Variants in SRGAP2 observed in about 807,000 individuals in gnomAD.
SRGAP2 encodes the protein SLIT-ROBO Rho GTPase-activating protein 2.
In SRGAP2, 15 loss-of-function variants were observed where a neutral mutation model predicts 57.2. The observed-to-expected ratio is 0.26, with a 90% CI of 0.18 to 0.40. SRGAP2 has a LOEUF of 0.40. SRGAP2 is among the 10% of genes least tolerant of loss of function. The pLI, the probability that SRGAP2 is intolerant of heterozygous loss-of-function variation, is 1.00. For missense variants in SRGAP2, 520 were observed against 669.6 expected (o/e 0.78, Z 2.47); for synonymous variants, 249 against 248.0 (o/e 1.00, Z -0.04).
At chr1:206,212,069 C>T (rs1426494190) in intron 2 of SRGAP2, among the ~76,000 whole-genome samples, 1 of 152,174 alleles carries the variant, frequency 6.6e-6, no homozygotes, top group Non-Finnish European at 1.5e-5. Context: ...GTATGTACCC[C>T]ATTTTGTTTA....
At chr1:206,309,481 A>AAAGC (rs1672473669) in intron 3 of SRGAP2, among the ~76,000 whole-genome samples, 1 of 147,748 alleles carries the variant, frequency 6.8e-6, no homozygotes, top group Non-Finnish European at 1.5e-5. Flanking sequence ...AAAAAAAAAA[A>AAAGC]GTTGGGGGAG....
chr1:206,254,200 G>T, intron 2 of SRGAP2, among the ~76,000 whole-genome samples: 1 of 63,488 alleles, frequency 1.6e-5, no homozygotes. Context: ...TTTTTTTGGA[G>T]GGGGTTCAAA....
At chr1:206,383,659 G>A (rs1420511828) in intron 4 of SRGAP2, among the ~76,000 whole-genome samples, 1 of 149,176 alleles carries the variant, frequency 6.7e-6, no homozygotes, top group Non-Finnish European at 1.5e-5. Flanking sequence ...CTTCTGGAAT[G>A]CTTGACTGCA....
intron 13 of SRGAP2, among the ~76,000 whole-genome samples, chr1:206,422,510 AT>A (rs1660407186): frequency 6.6e-6 from 1 of 152,320 alleles, no homozygotes; most frequent in East Asian, 1.9e-4. Context: ...AATTTAGTGC[AT>A]TTAAAATTAA....
At chr1:206,276,615 G>C (rs1218455519) in intron 2 of SRGAP2, among the ~76,000 whole-genome samples, 1 of 151,794 alleles carries the variant, frequency 6.6e-6, no homozygotes, top group Non-Finnish European at 1.5e-5. Flanking sequence ...AGATTAACCC[G>C]TTCCTCTATA....
intron 2 of SRGAP2, among the ~76,000 whole-genome samples, chr1:206,283,518 A>G (rs1308847141): frequency 6.7e-6 from 1 of 150,292 alleles, no homozygotes; most frequent in African/African-American, 2.4e-5. Flanking sequence ...TACTAAAAAT[A>G]CAAAAATTAG....
At chr1:206,354,014 C>G (rs1553338814) in intron 4 of SRGAP2, among the ~76,000 whole-genome samples, 1 of 151,904 alleles carries the variant, frequency 6.6e-6, no homozygotes, top group African/African-American at 2.4e-5. Context: ...TAGGCTTGAA[C>G]TCTGGGGCTC....
At chr1:206,370,330 G>A (rs1654415269) in intron 4 of SRGAP2, among the ~76,000 whole-genome samples, 2 of 152,146 alleles carry the variant, frequency 1.3e-5, no homozygotes, top group Admixed American at 1.3e-4. Context: ...TGTTAATGAA[G>A]TGATTTATGG....
chr1:206,254,179 G>GTTTTTT (rs373417477), intron 2 of SRGAP2, among the ~76,000 whole-genome samples: 2 of 47,124 alleles, frequency 4.2e-5, no homozygotes, highest in Admixed American at 1.9e-4. Context: ...TGCTTTTTCT[G>GTTTTTT]TTTTTTTTTT....
chr1:206,451,809 C>T (rs929498646), intron 19 of SRGAP2, among the ~76,000 whole-genome samples: 1 of 152,108 alleles, frequency 6.6e-6, no homozygotes, highest in African/African-American at 2.4e-5. Flanking sequence ...GGTCGAGTAA[C>T]GTACCCGAGG....
At chr1:206,429,047 C>A (rs568454314) in intron 13 of SRGAP2, among the ~76,000 whole-genome samples, 53 of 152,300 alleles carry the variant, frequency 3.5e-4, no homozygotes, top group African/African-American at 1.3e-3. Context: ...TGGCCTCACA[C>A]CTCTTTAAAT....
At chr1:206,267,043 A>G (rs1669899404) in intron 2 of SRGAP2, among the ~76,000 whole-genome samples, 1 of 137,600 alleles carries the variant, frequency 7.3e-6, no homozygotes, top group Non-Finnish European at 1.5e-5. Context: ...ATCTTGGCTC[A>G]CTGCAAGCTC....
chr1:206,253,573 CTTT>C (rs71264673), intron 2 of SRGAP2, among the ~76,000 whole-genome samples: 6 of 101,662 alleles, frequency 5.9e-5, no homozygotes, highest in African/African-American at 2.3e-4. Flanking sequence ...TTCTTTCTTT[CTTT>C]TTTTTTTTTT....
intron 14 of SRGAP2, among the ~76,000 whole-genome samples, chr1:206,433,972 A>C (rs1396384293): frequency 6.6e-6 from 1 of 152,236 alleles, no homozygotes; most frequent in Admixed American, 6.5e-5. Flanking sequence ...TGCTCAAAAA[A>C]CATCTGTTCC....
At chr1:206,371,634 G>A (rs1263573553) in intron 4 of SRGAP2, among the ~76,000 whole-genome samples, 1 of 151,586 alleles carries the variant, frequency 6.6e-6, no homozygotes, top group African/African-American at 2.4e-5. Flanking sequence ...GGGAGGCTGA[G>A]GCAGGAGAAT....
chr1:206,376,093 G>A (rs1365512175), intron 4 of SRGAP2, among the ~76,000 whole-genome samples: 1 of 148,758 alleles, frequency 6.7e-6, no homozygotes, highest in East Asian at 2.0e-4. Context: ...TAGTTGTACA[G>A]CCAAGAAGGA....
rs185864522 is a variant in SRGAP2, at chr1:206,262,316, G to C, written c.68-40965G>C. On this transcript the variant is annotated intron_variant, in intron 2 of 22. Transcript: ENST00000573034. ...TGCAGTGTTTTTGTTTTTTTTTTTT[G>C]AAATGATTAAATGAGATAATAGAAA... Among the ~76,000 whole-genome samples the C allele has an allele frequency of 6.5e-3, 953 of 145,762 alleles. 14 individuals are homozygous for C. The highest frequency in any genetic ancestry group is 0.023 in the African/African-American group (894 of 38,232).
intron 10 of SRGAP2, among the ~76,000 whole-genome samples, chr1:206,411,241 C>T (rs1318210040): frequency 2.0e-5 from 3 of 152,102 alleles, no homozygotes; most frequent in Non-Finnish European, 2.9e-5. Flanking sequence ...GGATCATGGC[C>T]GATAAAGTAA....
intron 12 of SRGAP2, 74 bp from the exon 13 acceptor site, chr1:206,421,176 C>T: frequency 1.4e-6 from 1 of 727,368 alleles, no homozygotes; most frequent in Non-Finnish European, 2.5e-6. Context: ...TTGTTTATCT[C>T]ATTCGTCCCA....
Sources: gnomAD v4.1 joint callset for allele counts (sites outside exome capture counted in the v4.1 genomes callset) on GRCh38, gnomAD v4.1.1 for gene constraint, MANE v1.5 for transcripts, NCBI Gene and HGNC (gene_info 2026-07-23, HGNC 2026-07-21) for gene names.